The following CEP152 variants were observed in gnomAD, a reference collection of about 807,000 sequenced individuals.
CEP152 encodes centrosomal protein of 152 kDa.
In CEP152, 132 loss-of-function variants were observed where a neutral mutation model predicts 188.9. The observed-to-expected ratio is 0.70, with a 90% confidence interval of 0.61 to 0.81. The LOEUF (loss-of-function observed/expected upper bound fraction) is 0.81. Among genes scored for constraint, CEP152 ranks in the 30% least tolerant of loss-of-function variants. The probability of loss-of-function intolerance (pLI) is 0.00; values close to 1 mark genes in which losing one functional copy is unlikely to be tolerated. For synonymous variants in CEP152, 649 were observed against 666.6 expected (o/e 0.97, Z 0.41); for missense variants, 1,914 against 1,969.8 (o/e 0.97, Z 0.54).
At chr15:48,809,048 C>A (rs960030574) in intron 1 of CEP152, among the ~76,000 whole-genome samples, 1 of 152,152 alleles carries the variant, frequency 6.6e-6, no homozygotes, top group South Asian at 2.1e-4. Flanking sequence ...CTTTTGTTGT[C>A]CCCGGTTGTT....
intron 21 of CEP152, 120 bp downstream of exon 21, chr15:48,752,229 T>G: frequency 1.3e-6 from 2 of 1,542,822 alleles, no homozygotes; most frequent in Middle Eastern, 2.1e-4. Context: ...AGAGGGGACA[T>G]TAAGTCAGAC....
intron 21 of CEP152, among the ~76,000 whole-genome samples, chr15:48,751,243 C>T (rs1292975414): frequency 1.3e-5 from 2 of 152,006 alleles, no homozygotes; most frequent in Non-Finnish European, 2.9e-5. Context: ...TTGGCCAAAA[C>T]TAATTGCTTT....
At chr15:48,739,991 T>C (rs368467059) in intron 26 of CEP152, among the ~76,000 whole-genome samples, 1 of 152,204 alleles carries the variant, frequency 6.6e-6, no homozygotes, top group African/African-American at 2.4e-5. Context: ...ACATGAGGAA[T>C]GTTTACCAAC....
Position 48,752,136 on chromosome 15 carries a change from A to C in CEP152, c.3466+213T>G, listed in dbSNP as rs568411540. ...CATGATTCTCCTTGTAACAAGAATCAGTTGTGAATGAAGGGAAAACCATAA... is the reference window on the plus strand; with the variant it reads ...CATGATTCTCCTTGTAACAAGAATCCGTTGTGAATGAAGGGAAAACCATAA... On this transcript the variant is annotated intron_variant, in intron 21 of 26. Coordinates refer to ENST00000380950, the MANE Select transcript of CEP152 (RefSeq NM_001194998.2). 1.4e-3 allele frequency among the ~76,000 whole-genome samples: 214 copies of C among 152,362 alleles called. 1 individual carries two copies. The highest frequency in any genetic ancestry group is 4.8e-3 in the African/African-American group (198 of 41,584).
chr15:48,742,682 A>G (rs1029509746), intron 24 of CEP152, among the ~76,000 whole-genome samples: 6 of 152,144 alleles, frequency 3.9e-5, no homozygotes, highest in African/African-American at 1.2e-4. Context: ...ATGAGACTAC[A>G]AGGAGGGTGA....
At chr15:48,775,653 G>A (rs970865686) in intron 12 of CEP152, among the ~76,000 whole-genome samples, 3 of 152,142 alleles carry the variant, frequency 2.0e-5, no homozygotes, top group South Asian at 2.1e-4. Context: ...CATATTATAC[G>A]ATTCTATTTA....
chr15:48,753,314 C>T (rs1894014259), intron 20 of CEP152, among the ~76,000 whole-genome samples: 1 of 152,148 alleles, frequency 6.6e-6, no homozygotes, highest in African/African-American at 2.4e-5. Flanking sequence ...GTGTGAGCCA[C>T]CACGCTCAGC....
intron 22 of CEP152, among the ~76,000 whole-genome samples, chr15:48,747,904 T>C (rs1244871326): frequency 6.6e-6 from 1 of 152,128 alleles, no homozygotes; most frequent in Non-Finnish European, 1.5e-5. Context: ...CCTCACGCCC[T>C]TGTTTATGCC....
chr15:48,782,112 G>A (rs137880414), intron 11 of CEP152, 27 bp downstream of exon 11: 21 of 1,588,734 alleles, frequency 1.3e-5, no homozygotes, highest in Non-Finnish European at 1.7e-5. Context: ...GATACCCATA[G>A]AGCCTCTTCC....
At chr15:48,806,290 A>G (rs182785643) in intron 1 of CEP152, among the ~76,000 whole-genome samples, 1 of 152,376 alleles carries the variant, frequency 6.6e-6, no homozygotes, top group East Asian at 1.9e-4. Context: ...GTGGACTTCC[A>G]ATTCCAAAAG....
chr15:48,739,289 C>T lies in CEP152; in HGVS notation c.4094-1G>A, dbSNP rs759175035. ...AGCATCTCTGAAGTTAGGGGCAGTG[C>T]TATTATGTGCAAGGAAACACGAAAT... On this transcript the variant is annotated splice_acceptor_variant, in intron 26 of 26. Coordinates refer to ENST00000380950, the MANE Select transcript of CEP152 (RefSeq NM_001194998.2). LOFTEE classifies it high-confidence loss of function. The T allele has an allele frequency of 1.8e-5, 29 of 1,609,340 alleles. No homozygotes were observed. The Middle Eastern group carries it at 6.6e-4, about 37-fold the overall frequency.
rs1435293746 is a variant in CEP152, at chr15:48,767,198, A to G, written c.2148-6T>C. On this transcript the variant is annotated splice_region_variant and splice_polypyrimidine_tract_variant and intron_variant, in intron 16 of 26. Coordinates refer to ENST00000380950, the MANE Select transcript of CEP152 (RefSeq NM_001194998.2). Reference sequence around the variant, plus strand: ...TCAACTTATCCAACTCAGACCTTGGATACACAAAACCAGCAACTAAATGAT... The same window carrying G: ...TCAACTTATCCAACTCAGACCTTGGGTACACAAAACCAGCAACTAAATGAT... 7 of 1,613,754 alleles carry G rather than the reference A, an allele frequency of 4.3e-6. No individual in the cohort carries two copies. In the African/African-American group the frequency reaches 6.7e-5, roughly 15 times the overall value.
At chr15:48,798,129 G>T in intron 2 of CEP152, 78 bp from the exon 3 acceptor site, 2 of 1,091,868 alleles carry the variant, frequency 1.8e-6, no homozygotes, top group Non-Finnish European at 2.8e-6. Flanking sequence ...GGAACGAGTG[G>T]TTTTTTACTG....
intron 2 of CEP152, among the ~76,000 whole-genome samples, chr15:48,800,132 A>G (rs1897586461): frequency 6.6e-6 from 1 of 152,214 alleles, no homozygotes; most frequent in African/African-American, 2.4e-5. Flanking sequence ...CAAAATTGGC[A>G]TCCACAGAGA....
chr15:48,810,317 A>G (rs1225179354), intron 1 of CEP152: 1 of 152,236 alleles, frequency 6.6e-6, no homozygotes, highest in African/African-American at 2.4e-5. Context: ...CATTCATTCG[A>G]CAATTTACCA....
At chr15:48,733,992 G>A (rs1303284106), downstream of CEP152, among the ~76,000 whole-genome samples, 2 of 151,766 alleles carry the variant, frequency 1.3e-5, no homozygotes, top group Non-Finnish European at 2.9e-5. Context: ...TGCCTTACTT[G>A]GAATACTAAA....
At chr15:48,762,761 CTG>C (rs1478302336) in intron 17 of CEP152, 89 bp from the exon 18 acceptor site, 1 of 1,325,588 alleles carries the variant, frequency 7.5e-7, no homozygotes, top group South Asian at 1.2e-5. Context: ...GCAACCACAG[CTG>C]TGTTTGAAAA....
intron 20 of CEP152, 133 bp from the exon 21 acceptor site, chr15:48,752,602 A>C (rs974538220): frequency 5.6e-6 from 8 of 1,425,232 alleles, no homozygotes; most frequent in Non-Finnish European, 7.4e-6. Context: ...TCTATCGCCA[A>C]TATTTTTCTT....
At chr15:48,801,864 C>T (rs1295427505) in intron 2 of CEP152, among the ~76,000 whole-genome samples, 1 of 152,224 alleles carries the variant, frequency 6.6e-6, no homozygotes, top group Non-Finnish European at 1.5e-5. Context: ...GAGGCCGAGG[C>T]AGTTGGATCA....
Sources: gnomAD v4.1 joint callset for allele counts (sites outside exome capture counted in the v4.1 genomes callset) on GRCh38, gnomAD v4.1.1 for gene constraint, MANE v1.5 for transcripts, NCBI Gene and HGNC (gene_info 2026-07-23, HGNC 2026-07-21) for gene names.